ZNF282: variants seen among roughly 807,000 people sequenced by gnomAD.
ZNF282 encodes the protein zinc finger protein 282.
Under a neutral mutation model 61.9 loss-of-function variants are expected in ZNF282, and 30 were observed. That is an observed-to-expected ratio of 0.48 (90% CI 0.36 to 0.66). The LOEUF is 0.66. Among genes scored for constraint, ZNF282 ranks in the 30% least tolerant of loss-of-function variants. The pLI, the probability that ZNF282 is intolerant of heterozygous loss-of-function variation, is 0.00. For missense variants in ZNF282, 788 were observed against 941.4 expected, an observed-to-expected ratio of 0.84 and a Z score of 2.13; for synonymous variants, 396 against 405.0, an observed-to-expected ratio of 0.98 and a Z score of 0.27.
Position 149,206,857 on chromosome 7 carries a change from C to G in ZNF282, c.712+35C>G, listed in dbSNP as rs371951788. ...CCTTCTCTCCTCTTTGGTGAGCCAT[C>G]TCTGCAGAGGGTTGTGAAATGCTTA... On this transcript the variant is annotated intron_variant, in intron 3 of 7. Transcript: ENST00000610704. The G allele has an allele frequency of 3.1e-6, 5 of 1,612,492 alleles. No homozygotes were observed. The African/African-American group carries it at 5.3e-5, about 17-fold the overall frequency.
chr7:149,223,648 C>A (rs980014014), intron 7 of ZNF282, among the ~76,000 whole-genome samples, 164 bp from the exon 8 acceptor site: 3 of 152,186 alleles, frequency 2.0e-5, no homozygotes, highest in African/African-American at 7.2e-5. Flanking sequence ...TGGCTTCGAA[C>A]AGGTCGAAGG....
chr7:149,200,597 AT>A (rs1355572178), intron 2 of ZNF282, among the ~76,000 whole-genome samples: 2 of 151,140 alleles, frequency 1.3e-5, no homozygotes, highest in African/African-American at 4.9e-5. Flanking sequence ...TTATTTATTT[AT>A]TTATTTATTT....
chr7:149,201,163 C>A (rs775098330), intron 2 of ZNF282, among the ~76,000 whole-genome samples: 13 of 152,184 alleles, frequency 8.5e-5, no homozygotes, highest in Non-Finnish European at 1.8e-4. Context: ...GTGCTCAGGC[C>A]AAAGCCTTGG....
chr7:149,216,193 G>C (rs776470013), intron 7 of ZNF282, among the ~76,000 whole-genome samples: 2 of 152,170 alleles, frequency 1.3e-5, no homozygotes, highest in Non-Finnish European at 2.9e-5. Flanking sequence ...CCATCTCCTA[G>C]GTTCAAGTGA....
Position 149,210,571 on chromosome 7 carries a change from T to C in ZNF282, c.833-14T>C. On this transcript the variant is annotated splice_polypyrimidine_tract_variant and intron_variant, in intron 4 of 7. Coordinates refer to ENST00000610704, the MANE Select transcript of ZNF282 (RefSeq NM_003575.4). The stretch of plus-strand genomic sequence containing the variant: ...GAAAAAAAGACACAAAGCAATGTCA[T>C]TCTCTGTCCCCAGGAGCAGAGCCCC... 1 of 1,608,610 alleles carries C rather than the reference T, an allele frequency of 6.2e-7. No individual in the cohort carries two copies. Among genetic ancestry groups the C allele is most frequent in the Non-Finnish European group, 8.5e-7 (1 of 1,177,850 alleles).
intron 7 of ZNF282, among the ~76,000 whole-genome samples, chr7:149,217,488 C>T (rs542677985): frequency 7.9e-5 from 12 of 152,188 alleles, no homozygotes; most frequent in South Asian, 2.1e-4. Flanking sequence ...TGCTTGAATC[C>T]GGGAGGCGGA....
chr7:149,214,926 A>G (rs1290121671), intron 7 of ZNF282, among the ~76,000 whole-genome samples: 1 of 152,216 alleles, frequency 6.6e-6, no homozygotes, highest in East Asian at 1.9e-4. Flanking sequence ...CTGAAGCTCA[A>G]AGAGAAAGGG....
chr7:149,208,498 C>T (rs892364705), intron 4 of ZNF282, among the ~76,000 whole-genome samples: 1 of 151,968 alleles, frequency 6.6e-6, no homozygotes, highest in South Asian at 2.1e-4. Context: ...CCACCATGCC[C>T]GGCCGTGTCC....
At chr7:149,215,959 A>G (rs1796155980) in intron 7 of ZNF282, among the ~76,000 whole-genome samples, 2 of 152,186 alleles carry the variant, frequency 1.3e-5, no homozygotes, top group East Asian at 3.8e-4. Context: ...GGCCTAGAGG[A>G]GCCTGTTCTT....
chr7:149,212,313 T>A (rs767298337), intron 5 of ZNF282, 45 bp from the exon 6 acceptor site: 1 of 1,390,710 alleles, frequency 7.2e-7, no homozygotes, highest in Non-Finnish European at 9.9e-7. Context: ...TTGCAGGAGA[T>A]TTCGCATCTT....
intron 6 of ZNF282, among the ~76,000 whole-genome samples, chr7:149,213,285 G>A (rs1796114041): frequency 6.6e-6 from 1 of 152,184 alleles, no homozygotes; most frequent in Non-Finnish European, 1.5e-5. Context: ...CTGCTTCACT[G>A]TGGTTCTTAT....
At chr7:149,195,858 C>T in intron 1 of ZNF282, 104 bp downstream of exon 1, 2 of 1,072,114 alleles carry the variant, frequency 1.9e-6, no homozygotes, top group Non-Finnish European at 2.3e-6. Context: ...TTGCGGCGCC[C>T]TCCCAGCTTC....
intron 7 of ZNF282, among the ~76,000 whole-genome samples, chr7:149,219,566 G>A (rs529914849): frequency 2.0e-5 from 3 of 152,164 alleles, no homozygotes; most frequent in Non-Finnish European, 4.4e-5. Flanking sequence ...TTCAATGGAG[G>A]TTGGGTGTGG....
intron 7 of ZNF282, among the ~76,000 whole-genome samples, chr7:149,223,218 C>A (rs1028350006): frequency 6.6e-6 from 1 of 152,064 alleles, no homozygotes; most frequent in Non-Finnish European, 1.5e-5. Flanking sequence ...AGGTGATCCG[C>A]CCACCTCGGT....
At chr7:149,200,341 C>G (rs1202403) in intron 2 of ZNF282, among the ~76,000 whole-genome samples, 127,718 of 152,180 alleles carry the variant, frequency 0.84, 54,121 homozygotes, top group East Asian at 0.97. Flanking sequence ...CTTCATCCTC[C>G]CTGTCCTGTC....
At chr7:149,216,655 T>C (rs1444840405) in intron 7 of ZNF282, among the ~76,000 whole-genome samples, 2 of 152,164 alleles carry the variant, frequency 1.3e-5, no homozygotes, top group Non-Finnish European at 1.5e-5. Context: ...GACAGCCAGA[T>C]GGTAGCCATG....
At chr7:149,205,804 T>C (rs1282709137) in intron 2 of ZNF282, among the ~76,000 whole-genome samples, 1 of 152,048 alleles carries the variant, frequency 6.6e-6, no homozygotes, top group East Asian at 1.9e-4. Context: ...TGCAGATACG[T>C]AGATGAATGG....
chr7:149,196,185 T>G (rs1795813866), intron 1 of ZNF282, among the ~76,000 whole-genome samples: 1 of 152,338 alleles, frequency 6.6e-6, no homozygotes, highest in Non-Finnish European at 1.5e-5. Flanking sequence ...GTGGCCAATT[T>G]GACGGGGATA....
At position 149,224,488 on chromosome 7, in the gene ZNF282, G is replaced by T; in HGVS notation, c.1857G>T (p.Lys619Asn). The T allele has an allele frequency of 6.2e-7, 1 of 1,612,122 alleles. No homozygotes were observed. The highest frequency in any genetic ancestry group is 8.5e-7 in the Non-Finnish European group (1 of 1,179,578). The change falls in exon 8 of 8, where the codon AAG becomes AAT. Residue 619 changes from lysine to asparagine, a missense_variant. Physicochemically the swap from Lys to Asn is moderately conservative, Grantham distance 94 (BLOSUM62 0). Coordinates refer to ENST00000610704, the MANE Select transcript of ZNF282 (RefSeq NM_003575.4). ...TCATCCGCAAGCAGAACCTGCTCAA[G>T]CACCAGCGCATCCACACGGGCGAGC... ...KSFIRKQNLL[K>N]HQRIHTGERP...
Sources: gnomAD v4.1 joint callset for allele counts (sites outside exome capture counted in the v4.1 genomes callset) on GRCh38, gnomAD v4.1.1 for gene constraint, MANE v1.5 for transcripts, NCBI Gene and HGNC (gene_info 2026-07-23, HGNC 2026-07-21) for gene names.